Variants in GPHN observed in about 807,000 individuals in gnomAD.
GPHN encodes gephyrin.
GPHN carries 17 observed loss-of-function variants against 95.5 expected under a neutral mutation model. The ratio of observed to expected loss-of-function variants is 0.18; its 90% CI spans 0.12 to 0.27. The LOEUF is 0.27. Among genes scored for constraint, GPHN ranks in the 10% least tolerant of loss-of-function variants. The probability of loss-of-function intolerance (pLI) is 1.00; values close to 1 mark genes in which losing one functional copy is unlikely to be tolerated. For missense variants in GPHN, 660 were observed against 978.1 expected, an observed-to-expected ratio of 0.67 and a Z score of 4.34; for synonymous variants, 320 against 322.5, an observed-to-expected ratio of 0.99 and a Z score of 0.08.
the GPHN span, among the ~76,000 whole-genome samples, chr14:67,726,420 A>G: frequency 1.6e-4 from 24 of 152,214 alleles, no homozygotes; most frequent in African/African-American, 5.8e-4. Flanking sequence ...CAGTGGCAGT[A>G]CAAGGCTTGC....
rs575219104 is a variant in GPHN, at chr14:66,673,129, G to C, written c.65-7978G>C. 6.3e-4 allele frequency among the ~76,000 whole-genome samples: 96 copies of C among 152,206 alleles called. 2 individuals carry two copies. The highest frequency in any genetic ancestry group is 3.3e-4 in the Admixed American group (5 of 15,292). ...TTTTTTTGAGACAGAGTCTGGCTCT[G>C]TCTCCCGGGCTGGAGTACAGTGGCG... On this transcript the variant is annotated intron_variant, in intron 1 of 22. Transcript: ENST00000478722.
At chr14:66,932,527 G>A (rs187782512) in intron 8 of GPHN, among the ~76,000 whole-genome samples, 139 of 125,630 alleles carry the variant, frequency 1.1e-3, no homozygotes, top group Non-Finnish European at 1.9e-3. Flanking sequence ...TAGAAATGCC[G>A]TCCAAGAGCT....
chr14:66,619,261 A>T (rs887027811), intron 1 of GPHN, among the ~76,000 whole-genome samples: 1 of 152,152 alleles, frequency 6.6e-6, no homozygotes, highest in Non-Finnish European at 1.5e-5. Context: ...AAATGGCTAG[A>T]TCATTGGGTA....
At chr14:67,568,462 G>A in the GPHN span, among the ~76,000 whole-genome samples, 85 of 152,144 alleles carry the variant, frequency 5.6e-4, no homozygotes, top group Middle Eastern at 6.8e-3. Flanking sequence ...TGGCGGTGGG[G>A]GAGTATTAGG....
Position 66,814,264 on chromosome 14 carries a change from G to T in GPHN, c.202-10210G>T, listed in dbSNP as rs1222718439. On this transcript the variant is annotated intron_variant, in intron 3 of 22. Coordinates refer to ENST00000478722, the MANE Select transcript of GPHN (RefSeq NM_020806.5). ...TTGAGGGGCACAGAGAAGGCACCCA[G>T]ATCTATGATGGTCAGCACCCTGCCC... is the stretch of plus-strand genomic sequence containing the variant. Among the ~76,000 whole-genome samples the T allele has an allele frequency of 4.6e-5, 7 of 152,192 alleles. No homozygotes were observed. In the South Asian group the frequency reaches 1.5e-3, roughly 32 times the overall value.
the GPHN span, among the ~76,000 whole-genome samples, chr14:67,290,181 T>C: frequency 6.6e-6 from 1 of 152,216 alleles, no homozygotes; most frequent in Non-Finnish European, 1.5e-5. Context: ...AATAGGACTT[T>C]TCTTTTTGGA....
At chr14:66,525,197 G>C (rs968831538) in intron 1 of GPHN, among the ~76,000 whole-genome samples, 32 of 152,276 alleles carry the variant, frequency 2.1e-4, no homozygotes, top group African/African-American at 6.7e-4. Flanking sequence ...TCTAACTGGC[G>C]TGAGATGGTA....
At chr14:66,588,532 A>G (rs2061512221) in intron 1 of GPHN, among the ~76,000 whole-genome samples, 1 of 152,126 alleles carries the variant, frequency 6.6e-6, no homozygotes, top group Non-Finnish European at 1.5e-5. Context: ...ACCAGTTTAG[A>G]GAAGAACATA....
At chr14:67,137,209 G>A (rs2080137522) in intron 17 of GPHN, among the ~76,000 whole-genome samples, 2 of 150,854 alleles carry the variant, frequency 1.3e-5, no homozygotes, top group South Asian at 2.1e-4. Context: ...GCAGTGGCAC[G>A]ATCTCTGCTC....
At chr14:66,624,495 A>G (rs2063443993) in intron 1 of GPHN, among the ~76,000 whole-genome samples, 1 of 152,234 alleles carries the variant, frequency 6.6e-6, no homozygotes, top group Admixed American at 6.5e-5. Flanking sequence ...CTGATAGCTT[A>G]AGTGAAAAGC....
chr14:67,721,702 C>A, the GPHN span, among the ~76,000 whole-genome samples: 1 of 150,590 alleles, frequency 6.6e-6, no homozygotes, highest in South Asian at 2.1e-4. Context: ...TTTCGTTTTC[C>A]ACCAATGTAA....
In GPHN at chr14:66,593,882, G is replaced by A. The variant is rs1242058161; in HGVS notation, c.64+85291G>A. On this transcript the variant is annotated intron_variant, in intron 1 of 22. Coordinates refer to ENST00000478722, the MANE Select transcript of GPHN (RefSeq NM_020806.5). ...AAATTGGAAAGGAAGAAGTAAAATT[G>A]TCTTTCCTTATAGATAACATAACCT... 1.3e-5 allele frequency among the ~76,000 whole-genome samples: 2 copies of A among 152,052 alleles called. 1 individual carries two copies. Among genetic ancestry groups the A allele is most frequent in the South Asian group, 4.1e-4 (2 of 4,820 alleles).
At chr14:67,346,671 G>A in the GPHN span, among the ~76,000 whole-genome samples, 1 of 152,202 alleles carries the variant, frequency 6.6e-6, no homozygotes, top group Non-Finnish European at 1.5e-5. Flanking sequence ...AAAATATGCT[G>A]TCAAACTAGG....
intron 2 of GPHN, among the ~76,000 whole-genome samples, chr14:66,742,231 T>G (rs910646133): frequency 2.0e-5 from 3 of 152,210 alleles, no homozygotes; most frequent in Non-Finnish European, 4.4e-5. Flanking sequence ...TCATAGACAA[T>G]ATAATAAATA....
intron 1 of GPHN, among the ~76,000 whole-genome samples, chr14:66,524,672 A>C (rs1202204120): frequency 6.6e-6 from 1 of 151,470 alleles, no homozygotes; most frequent in Non-Finnish European, 1.5e-5. Flanking sequence ...GACAGGCCCC[A>C]GTGTATGATG....
At chr14:66,572,096 T>C (rs2060717680) in intron 1 of GPHN, among the ~76,000 whole-genome samples, 1 of 152,192 alleles carries the variant, frequency 6.6e-6, no homozygotes, top group Admixed American at 6.5e-5. Flanking sequence ...TGGTCTCTCT[T>C]CTATTCTATT....
rs554291507 is a variant in GPHN, at chr14:66,639,175, GAA to G, written c.65-41927_65-41926del. Among the ~76,000 whole-genome samples, 436 of 150,560 alleles carry G rather than the reference GAA, an allele frequency of 2.9e-3. 2 individuals are homozygous for G. Among genetic ancestry groups the G allele is most frequent in the Non-Finnish European group, 4.4e-3 (296 of 67,842 alleles). On this transcript the variant is annotated intron_variant, in intron 1 of 22. Coordinates refer to ENST00000478722, the MANE Select transcript of GPHN (RefSeq NM_020806.5). ...AGAAGGAAACAGATAATGTAGAAAT[GAA>G]AAAATTATTAATTGGTAATTATAAG...
chr14:67,055,606 T>C (rs1367047165), intron 10 of GPHN, among the ~76,000 whole-genome samples: 1 of 152,248 alleles, frequency 6.6e-6, no homozygotes, highest in Non-Finnish European at 1.5e-5. Flanking sequence ...TGCATGCGTA[T>C]GCTCATTGCA....
chr14:67,219,522 A>T, the GPHN span, among the ~76,000 whole-genome samples: 24,151 of 152,134 alleles, frequency 0.16, 3,649 homozygotes, highest in East Asian at 0.44. Flanking sequence ...TCTTGCTGAC[A>T]TCACTCCCTG....
Sources: gnomAD v4.1 joint callset for allele counts (sites outside exome capture counted in the v4.1 genomes callset) on GRCh38, gnomAD v4.1.1 for gene constraint, MANE v1.5 for transcripts, NCBI Gene and HGNC (gene_info 2026-07-23, HGNC 2026-07-21) for gene names.